Variants in DDX10 observed in about 807,000 individuals in gnomAD.
The protein encoded by DDX10 is DEAD-box helicase 10, also known as probable ATP-dependent RNA helicase DDX10.
Under a neutral mutation model 104.3 loss-of-function variants are expected in DDX10, and 74 were observed. That is an observed-to-expected ratio of 0.71 (90% CI 0.59 to 0.86). The LOEUF is 0.86. DDX10 is among the 40% of genes least tolerant of loss of function. The pLI is 0.00. For synonymous variants in DDX10, 351 were observed against 353.4 expected (o/e 0.99, Z 0.08); for missense variants, 952 against 1,040.0 (o/e 0.92, Z 1.16).
chr11:108,719,830 A>C lies in DDX10; in HGVS notation c.1444A>C (p.Met482Leu), dbSNP rs1229109282. ...FVSYVRSVYL[M>L]KDKEVFDVSK... ...CTCCTATGTACGATCTGTATATCTG[A>C]TGAAGGATAAAGAAGTATTTGATGT... The change falls in exon 12 of 18, where the codon ATG (methionine) becomes CTG (leucine). Residue 482 changes from methionine to leucine, a missense_variant. Physicochemically the swap from Met to Leu is conservative, Grantham distance 15 (BLOSUM62 2). Transcript: ENST00000322536. 6.2e-7 allele frequency: 1 copy of C among 1,607,146 alleles called. No individual in the cohort carries two copies. Among genetic ancestry groups the C allele is most frequent in the African/African-American group, 1.3e-5 (1 of 74,778 alleles).
intron 11 of DDX10, among the ~76,000 whole-genome samples, chr11:108,717,370 C>T (rs537619166): frequency 1.3e-5 from 2 of 152,306 alleles, no homozygotes; most frequent in South Asian, 2.1e-4. Context: ...AGTGCAATGG[C>T]GTGATCTTGG....
At chr11:108,897,837 A>G (rs1192550939) in intron 16 of DDX10, among the ~76,000 whole-genome samples, 1 of 152,144 alleles carries the variant, frequency 6.6e-6, no homozygotes, top group Non-Finnish European at 1.5e-5. Context: ...TTTTTAATTC[A>G]AAGGAACCAT....
At chr11:108,939,396 G>A (rs574079491) in intron 17 of DDX10, among the ~76,000 whole-genome samples, 5 of 152,302 alleles carry the variant, frequency 3.3e-5, no homozygotes, top group South Asian at 4.1e-4. Flanking sequence ...ACTGAGGGTT[G>A]CCATGAATAT....
chr11:108,738,587 G>A (rs990064581), intron 13 of DDX10, among the ~76,000 whole-genome samples: 6 of 152,042 alleles, frequency 3.9e-5, no homozygotes, highest in Non-Finnish European at 8.8e-5. Flanking sequence ...CAGACTTACA[G>A]TGAGTTTGTA....
chr11:108,939,317 G>A (rs1202483042), intron 17 of DDX10, among the ~76,000 whole-genome samples: 1 of 152,166 alleles, frequency 6.6e-6, no homozygotes, highest in East Asian at 1.9e-4. Flanking sequence ...TGAATCCCAT[G>A]GGTGTAATCT....
chr11:108,805,014 T>G (rs1862077796), intron 13 of DDX10, among the ~76,000 whole-genome samples: 1 of 152,194 alleles, frequency 6.6e-6, no homozygotes, highest in Admixed American at 6.5e-5. Flanking sequence ...GCTGAGGGGA[T>G]TACACAAGGG....
In DDX10 at chr11:108,760,421, A is replaced by T. The variant is rs1042724666; in HGVS notation, c.1965+36959A>T. Reference sequence around the variant, plus strand: ...ACTTTCTGTATTTTTAAGAATGACTACTACATCTAATATGTTTACAAAACC... The same window carrying T: ...ACTTTCTGTATTTTTAAGAATGACTTCTACATCTAATATGTTTACAAAACC... On this transcript the variant is annotated intron_variant, in intron 13 of 17. Transcript: ENST00000322536. Among the ~76,000 whole-genome samples the T allele has an allele frequency of 1.1e-4, 16 of 152,134 alleles. No homozygotes were observed. In the South Asian group the frequency reaches 3.3e-3, roughly 32 times the overall value.
chr11:108,875,945 A>G lies in DDX10; in HGVS notation c.2304+23736A>G, dbSNP rs553731381. 2.6e-5 allele frequency among the ~76,000 whole-genome samples: 4 copies of G among 152,286 alleles called. No individual in the cohort carries two copies. The South Asian group carries it at 8.3e-4, about 32-fold the overall frequency. ...TGTGGGAACCTAACTTAGAGTGACTAAGGTCGTTATGTACACTAGAGCATG... is the reference window on the plus strand; with the variant it reads ...TGTGGGAACCTAACTTAGAGTGACTGAGGTCGTTATGTACACTAGAGCATG... On this transcript the variant is annotated intron_variant, in intron 16 of 17. Coordinates refer to ENST00000322536, the MANE Select transcript of DDX10 (RefSeq NM_004398.4).
chr11:108,779,741 TG>T (rs2094375656), intron 13 of DDX10, among the ~76,000 whole-genome samples: 1 of 152,210 alleles, frequency 6.6e-6, no homozygotes, highest in Non-Finnish European at 1.5e-5. Flanking sequence ...AACATTTCAT[TG>T]TTTTGGAGTA....
intron 9 of DDX10, among the ~76,000 whole-genome samples, chr11:108,706,060 C>T (rs1441419326): frequency 3.9e-5 from 6 of 152,066 alleles, no homozygotes; most frequent in Admixed American, 6.5e-5. Context: ...CAACCTCCAT[C>T]TCCTGGGTTG....
chr11:108,668,864 G>A (rs555074774), intron 1 of DDX10, among the ~76,000 whole-genome samples: 1 of 152,236 alleles, frequency 6.6e-6, no homozygotes, highest in South Asian at 2.1e-4. Flanking sequence ...AGAGGATGGT[G>A]TAATTAGGGG....
intron 17 of DDX10, among the ~76,000 whole-genome samples, chr11:108,939,047 T>A (rs908441222): frequency 7.9e-5 from 12 of 152,232 alleles, no homozygotes; most frequent in African/African-American, 2.7e-4. Flanking sequence ...TTTAGAAAGT[T>A]AACGTGTATT....
chr11:108,908,008 G>T (rs889136198), intron 16 of DDX10, among the ~76,000 whole-genome samples: 2 of 152,162 alleles, frequency 1.3e-5, no homozygotes, highest in African/African-American at 4.8e-5. Context: ...TTGCTCTTGT[G>T]TTTCCTGTTC....
intron 16 of DDX10, among the ~76,000 whole-genome samples, chr11:108,896,851 G>A (rs1863448143): frequency 1.3e-5 from 2 of 151,468 alleles, no homozygotes; most frequent in South Asian, 4.2e-4. Flanking sequence ...GAAACTAAGT[G>A]TTTCAGTTGA....
chr11:108,916,175 T>G (rs2134662805), intron 16 of DDX10, among the ~76,000 whole-genome samples: 1 of 152,292 alleles, frequency 6.6e-6, no homozygotes, highest in East Asian at 1.9e-4. Context: ...AGAACTGTTT[T>G]GAGTCTGCTC....
intron 3 of DDX10, 28 bp from the exon 4 acceptor site, chr11:108,677,057 C>T: frequency 6.3e-7 from 1 of 1,583,396 alleles, no homozygotes; most frequent in Non-Finnish European, 8.6e-7. Flanking sequence ...TGATGACTTA[C>T]TGAACATGAA....
At chr11:108,938,592 T>C (rs1198520117) in intron 17 of DDX10, among the ~76,000 whole-genome samples, 1 of 152,208 alleles carries the variant, frequency 6.6e-6, no homozygotes. Context: ...TTTAAGACCC[T>C]CTTTCACTAA....
chr11:108,687,707 A>C (rs1048926172), intron 6 of DDX10, among the ~76,000 whole-genome samples: 10 of 151,878 alleles, frequency 6.6e-5, no homozygotes, highest in African/African-American at 2.4e-4. Context: ...TTTTGCAAAT[A>C]TTTTTCTCCA....
intron 1 of DDX10, among the ~76,000 whole-genome samples, chr11:108,669,912 T>C (rs1465996338): frequency 6.6e-6 from 1 of 152,242 alleles, no homozygotes; most frequent in Non-Finnish European, 1.5e-5. Flanking sequence ...GGAAATGGAC[T>C]CTGCCGTAGA....
Sources: gnomAD v4.1 joint callset for allele counts (sites outside exome capture counted in the v4.1 genomes callset) on GRCh38, gnomAD v4.1.1 for gene constraint, MANE v1.5 for transcripts, NCBI Gene and HGNC (gene_info 2026-07-23, HGNC 2026-07-21) for gene names.